Variants in NOD1 observed in about 807,000 individuals in gnomAD.
NOD1 encodes nucleotide-binding oligomerization domain-containing protein 1.
In NOD1, 70 loss-of-function variants were observed where a neutral mutation model predicts 81.2. The ratio of observed to expected loss-of-function variants is 0.86; its 90% CI spans 0.71 to 1.05. The LOEUF is 1.05. Ranked by LOEUF, NOD1 falls within the 50% of genes least tolerant of loss-of-function variation. The pLI, the probability that NOD1 is intolerant of heterozygous loss-of-function variation, is 0.00. For missense variants in NOD1, 1,233 were observed against 1,228.0 expected (o/e 1.00, Z -0.06); for synonymous variants, 508 against 526.9 (o/e 0.96, Z 0.49).
chr7:30,433,286 T>A, intron 11 of NOD1, 107 bp from the exon 12 acceptor site: 1 of 811,170 alleles, frequency 1.2e-6, no homozygotes. Context: ...GCTATGCAGA[T>A]GATCACTTGC....
Position 30,452,364 on chromosome 7 carries a change from G to A in NOD1, c.1053C>T (p.Gly351=), listed in dbSNP as rs1785836667. 4.3e-6 allele frequency: 7 copies of A among 1,613,230 alleles called. No individual in the cohort carries two copies. The highest frequency in any genetic ancestry group is 1.3e-5 in the African/African-American group (1 of 74,940). ...QFLRKKVLLR[G]FSPSHLRAYA... is the part of the protein sequence containing the mutation. ...AGGCGCGCAGGTGGCTGGGGGAGAA[G>A]CCCCGGAGAAGCACCTTCTTCCGCA... Residue 351 remains glycine (G), a synonymous_variant, in exon 6 of 14, where the codon GGC becomes GGT. Coordinates refer to ENST00000222823, the MANE Select transcript of NOD1 (RefSeq NM_006092.4).
At chr7:30,446,625 G>A in intron 8 of NOD1, 1 of 395,600 alleles carries the variant, frequency 2.5e-6, no homozygotes, top group Non-Finnish European at 4.6e-6. Context: ...CCCTGCGCAG[G>A]GCACACCTAC....
At position 30,446,334 on chromosome 7, in the gene NOD1, A is replaced by G. The variant is rs993842086; in HGVS notation, c.2370-110T>C. 6.0e-6 allele frequency: 5 copies of G among 832,500 alleles called. No homozygotes were observed. The African/African-American group carries it at 8.3e-5, about 14-fold the overall frequency. The allele number at this position is 832,500 out of a possible 1,614,324, so 51.6% of individuals were successfully genotyped here. A position where few individuals can be genotyped will look rare whatever the true frequency, so the allele number is the denominator to read the frequency against. ...TCCAGCCCCATCTTGGGAACCGTACACTTTCTTCTGGGATCCACAAGAGCC... is the reference window on the plus strand; with the variant it reads ...TCCAGCCCCATCTTGGGAACCGTACGCTTTCTTCTGGGATCCACAAGAGCC... On this transcript the variant is annotated intron_variant, in intron 8 of 13. Transcript: ENST00000222823.
intron 9 of NOD1, among the ~76,000 whole-genome samples, chr7:30,438,805 T>C (rs2970499): frequency 0.2 from 31,108 of 152,146 alleles, 3,698 homozygotes; most frequent in Admixed American, 0.28. Context: ...TAGATACATA[T>C]AGTCTCACCC....
intron 13 of NOD1, among the ~76,000 whole-genome samples, chr7:30,427,629 CCT>C (rs1199508159): frequency 6.6e-6 from 1 of 152,202 alleles, no homozygotes. Context: ...CCTGTCCTGC[CCT>C]CTCTGAATTG....
At chr7:30,469,183 G>A in intron 1 of NOD1, 1 of 985,430 alleles carries the variant, frequency 1.0e-6, no homozygotes, top group Non-Finnish European at 1.2e-6. Flanking sequence ...AACAAGCCCG[G>A]TCATGTGGGC....
chr7:30,462,686 C>A (rs560617640), intron 1 of NOD1, among the ~76,000 whole-genome samples: 1 of 152,106 alleles, frequency 6.6e-6, no homozygotes, highest in Non-Finnish European at 1.5e-5. Flanking sequence ...CAGTGGCTCA[C>A]GCTTGTAATC....
At chr7:30,430,417 T>G (rs991491245) in intron 12 of NOD1, among the ~76,000 whole-genome samples, 1 of 152,184 alleles carries the variant, frequency 6.6e-6, no homozygotes, top group Non-Finnish European at 1.5e-5. Flanking sequence ...GTGTCTCCGC[T>G]TCATCACAGA....
chr7:30,466,259 C>T (rs1005102376), intron 1 of NOD1, among the ~76,000 whole-genome samples: 1 of 152,150 alleles, frequency 6.6e-6, no homozygotes, highest in African/African-American at 2.4e-5. Flanking sequence ...ACTTCCCTAC[C>T]CCTTTGAAGT....
intron 7 of NOD1, 124 bp downstream of exon 7, chr7:30,448,174 G>T: frequency 1.3e-6 from 1 of 782,660 alleles, no homozygotes; most frequent in Non-Finnish European, 2.2e-6. Context: ...CAACTCCTGG[G>T]CCAGCGCTCT....
At chr7:30,427,443 G>A (rs778032697) in intron 13 of NOD1, among the ~76,000 whole-genome samples, 19 of 152,206 alleles carry the variant, frequency 1.2e-4, no homozygotes, top group Non-Finnish European at 2.1e-4. Context: ...TGGCTCCCCG[G>A]CCAGCTCAAC....
chr7:30,450,009 A>G (rs1485241380), intron 6 of NOD1, among the ~76,000 whole-genome samples: 1 of 152,238 alleles, frequency 6.6e-6, no homozygotes, highest in Non-Finnish European at 1.5e-5. Context: ...CCTGGCCAAC[A>G]TGGGGAAACC....
chr7:30,425,452 G>C lies in NOD1; in HGVS notation c.*186C>G. On this transcript the variant is annotated 3_prime_UTR_variant, in exon 14 of 14. Transcript: ENST00000222823. ...CATTCTTTTTCTGCAGAATTGTAGC[G>C]GGTACTTAGGGAGTTTGCCGACCAG... 1 of 610,090 alleles carries C rather than the reference G, an allele frequency of 1.6e-6. No individual in the cohort carries two copies. The highest frequency in any genetic ancestry group is 3.0e-6 in the Non-Finnish European group (1 of 338,812). The allele number at this position is 610,090 out of a possible 1,614,324, so 37.8% of individuals were successfully genotyped here.
At chr7:30,427,382 A>G (rs1161210687) in intron 13 of NOD1, among the ~76,000 whole-genome samples, 2 of 152,238 alleles carry the variant, frequency 1.3e-5, no homozygotes, top group East Asian at 3.8e-4. Flanking sequence ...AAGTCCAAGG[A>G]GAAGGCTTAC....
Position 30,447,056 on chromosome 7 carries a change from A to G in NOD1, c.2286-6T>C. 1 of 1,614,042 alleles carries G rather than the reference A, an allele frequency of 6.2e-7. No homozygotes were observed. Among genetic ancestry groups the G allele is most frequent in the South Asian group, 1.1e-5 (1 of 91,082 alleles). On this transcript the variant is annotated splice_region_variant and splice_polypyrimidine_tract_variant and intron_variant, in intron 7 of 13. Coordinates refer to ENST00000222823, the MANE Select transcript of NOD1 (RefSeq NM_006092.4). ...TGATCTGGTTGTTGTATAAACTTCA[A>G]GAGAAAGCACAGCCATGAGACTTTC...
Position 30,469,223 on chromosome 7 carries a change from C to T in NOD1, c.-351-9182G>A, listed in dbSNP as rs1788021736. 8.1e-6 allele frequency: 8 copies of T among 985,242 alleles called. No individual in the cohort carries two copies. The Admixed American group carries it at 4.9e-4, about 61-fold the overall frequency. 61.0% of individuals were successfully genotyped at this position (985,242 alleles called of 1,614,324 possible). A position where few individuals can be genotyped will look rare whatever the true frequency, so the allele number is the denominator to read the frequency against. ...GCCATGCCAGAACACTATAGGCAGC[C>T]GACTCTGGAGACAATTTAGCAGATG... is the stretch of plus-strand genomic sequence containing the variant. On this transcript the variant is annotated intron_variant, in intron 1 of 13. Transcript: ENST00000222823.
intron 6 of NOD1, 24 bp from the exon 7 acceptor site, chr7:30,448,405 T>C (rs1228301800): frequency 6.3e-7 from 1 of 1,589,710 alleles, no homozygotes; most frequent in Non-Finnish European, 8.6e-7. Flanking sequence ...GCAAAAAAAT[T>C]ACGAGTCAGG....
Position 30,425,532 on chromosome 7 carries a change from C to A in NOD1, c.*106G>T. 1.2e-6 allele frequency: 1 copy of A among 821,894 alleles called. No homozygotes were observed. The highest frequency in any genetic ancestry group is 2.1e-6 in the Non-Finnish European group (1 of 470,204). The allele number at this position is 821,894 out of a possible 1,614,324, so 50.9% of individuals were successfully genotyped here. A position where few individuals can be genotyped will look rare whatever the true frequency, so the allele number is the denominator to read the frequency against. On this transcript the variant is annotated 3_prime_UTR_variant, in exon 14 of 14. Coordinates refer to ENST00000222823, the MANE Select transcript of NOD1 (RefSeq NM_006092.4). ...ATGGAGGCAGTGGACTCCTGATAGT[C>A]CCGCCTGCGCAGGCCCCTTTAAGAC...
At chr7:30,453,586 T>C (rs1786028717) in intron 5 of NOD1, among the ~76,000 whole-genome samples, 1 of 152,126 alleles carries the variant, frequency 6.6e-6, no homozygotes, top group East Asian at 1.9e-4. Flanking sequence ...GCCCAACTAA[T>C]TTTTGTGTTT....
Sources: allele counts gnomAD v4.1 joint callset (sites outside exome capture counted in the v4.1 genomes callset), GRCh38; gene constraint gnomAD v4.1.1; transcripts MANE v1.5; gene names NCBI Gene and HGNC (gene_info 2026-07-23, HGNC 2026-07-21).